Variants in NUP210L observed in about 807,000 individuals in gnomAD.
NUP210L encodes nuclear pore membrane glycoprotein 210-like.
Under a neutral mutation model 208.5 loss-of-function variants are expected in NUP210L, and 74 were observed. The ratio of observed to expected loss-of-function variants is 0.35; its 90% CI spans 0.29 to 0.43. The LOEUF is 0.43. Among genes scored for constraint, NUP210L ranks in the 20% least tolerant of loss-of-function variants. The pLI, the probability that NUP210L is intolerant of heterozygous loss-of-function variation, is 1.00. For synonymous variants in NUP210L, 780 were observed against 816.9 expected, an observed-to-expected ratio of 0.95 and a Z score of 0.77; for missense variants, 1,843 against 2,289.4, an observed-to-expected ratio of 0.81 and a Z score of 3.98.
At chr1:154,094,868 T>A (rs1229132976) in intron 15 of NUP210L, 67 bp downstream of exon 15, 1 of 1,146,710 alleles carries the variant, frequency 8.7e-7, no homozygotes, top group African/African-American at 1.5e-5. Context: ...TGAAAAGGAA[T>A]GGCTGGAAGT....
chr1:154,146,685 G>A (rs981723280), intron 2 of NUP210L, among the ~76,000 whole-genome samples: 3 of 139,712 alleles, frequency 2.1e-5, no homozygotes, highest in African/African-American at 8.1e-5. Context: ...AAATCAGTGG[G>A]TAAAGCTTCA....
exon 16 of NUP210L, chr1:154,089,522 G>A (rs755939781): frequency 5.0e-6 from 8 of 1,614,052 alleles, no homozygotes; most frequent in East Asian, 4.5e-5. Context: ...CAAATGAAGC[G>A]AACCTGCAAA....
chr1:154,016,367 G>C (rs1651247833), intron 33 of NUP210L, among the ~76,000 whole-genome samples: 1 of 152,050 alleles, frequency 6.6e-6, no homozygotes, highest in Non-Finnish European at 1.5e-5. Flanking sequence ...TTTGGGCAAA[G>C]AGGAAGGAGA....
At chr1:154,073,394 T>G (rs1226490196) in intron 16 of NUP210L, among the ~76,000 whole-genome samples, 2 of 152,022 alleles carry the variant, frequency 1.3e-5, no homozygotes, top group Non-Finnish European at 1.5e-5. Flanking sequence ...CATATGATGG[T>G]GTGCACCTGT....
chr1:154,104,270 G>A (rs1656633540), intron 12 of NUP210L, 60 bp from the exon 13 acceptor site: 1 of 1,419,586 alleles, frequency 7.0e-7, no homozygotes. Context: ...TTAGGAGGAG[G>A]AGAAGCAAGA....
intron 37 of NUP210L, among the ~76,000 whole-genome samples, chr1:153,999,451 A>G (rs1426007154): frequency 6.6e-6 from 1 of 152,216 alleles, no homozygotes; most frequent in Non-Finnish European, 1.5e-5. Context: ...TTTATCAATA[A>G]GATTGGCCGG....
At chr1:154,146,017 A>T (rs2148152355) in intron 2 of NUP210L, among the ~76,000 whole-genome samples, 1 of 152,240 alleles carries the variant, frequency 6.6e-6, no homozygotes, top group East Asian at 1.9e-4. Context: ...CAGCCTCCCA[A>T]ACCGCTGAGA....
chr1:154,061,725 C>T lies in NUP210L; in HGVS notation c.2555-51G>A, dbSNP rs140982298. On this transcript the variant is annotated intron_variant, in intron 17 of 39. Transcript: ENST00000368559. The stretch of plus-strand genomic sequence containing the variant: ...GTGAGAAACAATAACATGTAGAATA[C>T]GCAAGTGTTTCTAGAAAACCACATT... 2,118 of 1,135,084 alleles carry T rather than the reference C, an allele frequency of 1.9e-3. 6 individuals are homozygous for T. The highest frequency in any genetic ancestry group is 3.0e-3 in the African/African-American group (194 of 63,884). 70.3% of individuals were successfully genotyped at this position (1,135,084 alleles called of 1,614,324 possible).
At chr1:154,081,788 C>T (rs1292526053) in intron 16 of NUP210L, among the ~76,000 whole-genome samples, 1 of 152,146 alleles carries the variant, frequency 6.6e-6, no homozygotes, top group Non-Finnish European at 1.5e-5. Flanking sequence ...TCAAGACCAG[C>T]CTGGGCAACC....
intron 33 of NUP210L, among the ~76,000 whole-genome samples, chr1:154,015,722 A>AAC (rs372823301): frequency 0.26 from 37,407 of 144,184 alleles, 4,972 homozygotes; most frequent in Admixed American, 0.36. Flanking sequence ...TCTGTCTCAA[A>AAC]ACACACACAC....
chr1:154,002,473 A>C (rs897984395), intron 35 of NUP210L, among the ~76,000 whole-genome samples: 1 of 151,908 alleles, frequency 6.6e-6, no homozygotes, highest in Non-Finnish European at 1.5e-5. Flanking sequence ...TCTCTACTAA[A>C]AATACGAGGA....
chr1:154,035,361 T>G (rs372400230), intron 27 of NUP210L, among the ~76,000 whole-genome samples: 4 of 152,098 alleles, frequency 2.6e-5, no homozygotes, highest in African/African-American at 9.6e-5. Context: ...TTTCTCGTTC[T>G]TTAAGATGCT....
At chr1:154,113,437 C>T (rs940078251) in intron 12 of NUP210L, among the ~76,000 whole-genome samples, 15 of 151,914 alleles carry the variant, frequency 9.9e-5, no homozygotes, top group Admixed American at 8.5e-4. Flanking sequence ...TGGCAAACTA[C>T]GGCCTGTATA....
Position 154,056,961 on chromosome 1 carries a change from T to C in NUP210L, c.3108-14A>G, listed in dbSNP as rs1172344887. 3.1e-6 allele frequency: 5 copies of C among 1,605,906 alleles called. No individual in the cohort carries two copies. The highest frequency in any genetic ancestry group is 3.4e-6 in the Non-Finnish European group (4 of 1,177,566). ...TGCTCCATTGGTCTGCAAAAACCCA[T>C]GTATTTTCAGGTGAGAAAGATTTTT... On this transcript the variant is annotated splice_polypyrimidine_tract_variant and intron_variant, in intron 22 of 39. Transcript: ENST00000368559.
rs1653992462 is a variant in NUP210L, at chr1:154,058,620, G to A, written c.2924C>T (p.Thr975Ile). 1 of 1,613,874 alleles carries A rather than the reference G, an allele frequency of 6.2e-7. No individual in the cohort carries two copies. The highest frequency in any genetic ancestry group is 8.5e-7 in the Non-Finnish European group (1 of 1,179,888). ...TATGTCTGACACCCTGAGGTGGGCT[G>A]TTGCTGGACCCAAGAAAGCCAAACA... is the stretch of plus-strand genomic sequence containing the variant. The change falls in exon 21 of 40, where the codon ACA (threonine) becomes ATA (isoleucine). Residue 975 changes from threonine (T) to isoleucine (I), a missense_variant. By Grantham distance (89) the Thr-to-Ile change is moderately conservative. Transcript: ENST00000368559.
In NUP210L at chr1:154,106,748, C is replaced by T. The variant is rs147851958; in HGVS notation, c.1621-2538G>A. 4.9e-4 allele frequency among the ~76,000 whole-genome samples: 75 copies of T among 152,328 alleles called. 1 individual carries two copies. The highest frequency in any genetic ancestry group is 1.7e-3 in the African/African-American group (69 of 41,578). ...TCCAGGGAATTCTCCCGGATCTTAC[C>T]TAAGACCACCAAAGCAGTACCTCTA... is the stretch of plus-strand genomic sequence containing the variant. On this transcript the variant is annotated intron_variant, in intron 12 of 39. Coordinates refer to ENST00000368559, the Ensembl canonical transcript of NUP210L.
rs566987412 is a variant in NUP210L, at chr1:154,039,548, AT to A, written c.3696+6520del. 8.5e-5 allele frequency among the ~76,000 whole-genome samples: 13 copies of A among 152,140 alleles called. No homozygotes were observed. The East Asian group carries it at 2.5e-3, about 29-fold the overall frequency. On this transcript the variant is annotated intron_variant, in intron 27 of 39. Transcript: ENST00000368559. ...ACCGCACCTGGCCTGGAAACTCTTTATTTCTCCTTTGAAGGATAACTTCACT... is the reference window on the plus strand; with the variant it reads ...ACCGCACCTGGCCTGGAAACTCTTTATTCTCCTTTGAAGGATAACTTCACT...
chr1:154,114,920 G>A (rs1044488675), intron 12 of NUP210L, among the ~76,000 whole-genome samples: 5 of 151,120 alleles, frequency 3.3e-5, no homozygotes, highest in Non-Finnish European at 5.9e-5. Context: ...TATCCACCCC[G>A]CTGGCAAAGT....
chr1:154,125,604 G>A (rs920815111), intron 10 of NUP210L, among the ~76,000 whole-genome samples: 4 of 125,768 alleles, frequency 3.2e-5, no homozygotes, highest in Non-Finnish European at 6.7e-5. Flanking sequence ...CCTGGCTGAT[G>A]AAATGAGGCC....
Sources: allele counts gnomAD v4.1 joint callset (sites outside exome capture counted in the v4.1 genomes callset), GRCh38; gene constraint gnomAD v4.1.1; transcripts MANE v1.5; gene names NCBI Gene and HGNC (gene_info 2026-07-23, HGNC 2026-07-21).